The following ZBTB46 variants were observed in gnomAD, a reference collection of about 807,000 sequenced individuals.
ZBTB46 encodes the protein zinc finger and BTB domain-containing protein 46.
Under a neutral mutation model 44.1 loss-of-function variants are expected in ZBTB46, and 8 were observed. The observed-to-expected ratio is 0.18, with a 90% confidence interval of 0.11 to 0.33. The LOEUF (loss-of-function observed/expected upper bound fraction) is 0.33. ZBTB46 is among the 10% of genes least tolerant of loss of function. The pLI, the probability that ZBTB46 is intolerant of heterozygous loss-of-function variation, is 1.00. For missense variants in ZBTB46, 651 were observed against 847.7 expected, an observed-to-expected ratio of 0.77 and a Z score of 2.88; for synonymous variants, 409 against 382.3, an observed-to-expected ratio of 1.07 and a Z score of -0.81.
chr20:63,775,536 T>C, intron 3 of ZBTB46, 142 bp downstream of exon 3: 5 of 1,165,386 alleles, frequency 4.3e-6, no homozygotes, highest in Non-Finnish European at 5.9e-6. Flanking sequence ...CGCCGCATCC[T>C]CACCTCCCGC....
Position 63,790,200 on chromosome 20 carries a change from G to A in ZBTB46, c.558C>T (p.Ile186=), listed in dbSNP as rs369433951. The stretch of plus-strand genomic sequence containing the variant: ...TGCTCCCTCCGTCGTGACAGCTGGC[G>A]ATGGCCGAGTCTCCGGAAGAATTGG... ...SPANSSGDSA[I]ASCHDGGSSY... is the part of the protein sequence containing the mutation. Residue 186 remains isoleucine, a synonymous_variant, in exon 2 of 5, where the codon ATC becomes ATT. Coordinates refer to ENST00000245663, the MANE Select transcript of ZBTB46 (RefSeq NM_001369741.1). The A allele has an allele frequency of 3.9e-5, 63 of 1,613,194 alleles. No homozygotes were observed. The highest frequency in any genetic ancestry group is 2.8e-4 in the African/African-American group (21 of 75,062).
At chr20:63,768,239 G>C (rs1453849100) in intron 3 of ZBTB46, 8 of 631,246 alleles carry the variant, frequency 1.3e-5, no homozygotes, top group Non-Finnish European at 1.6e-5. Context: ...ACTCGTGTGG[G>C]AATAGCAATT....
At chr20:63,800,755 G>A (rs527712716) in intron 1 of ZBTB46, among the ~76,000 whole-genome samples, 102 of 152,324 alleles carry the variant, frequency 6.7e-4, no homozygotes, top group Middle Eastern at 3.4e-3. Context: ...ATTTCTCGCC[G>A]GCCCTAGCTG....
At chr20:63,764,888 T>G (rs2092305730) in intron 3 of ZBTB46, among the ~76,000 whole-genome samples, 1 of 151,938 alleles carries the variant, frequency 6.6e-6, no homozygotes, top group South Asian at 2.1e-4. Context: ...TGTGAGCCAC[T>G]GCACCTGGCC....
At chr20:63,791,357 A>G (rs558154488) in intron 1 of ZBTB46, among the ~76,000 whole-genome samples, 292 of 152,162 alleles carry the variant, frequency 1.9e-3, no homozygotes, top group African/African-American at 6.8e-3. Context: ...GCAGCTGGGC[A>G]TGGTGGCGGG....
At chr20:63,819,234 G>A (rs188920990) in intron 1 of ZBTB46, among the ~76,000 whole-genome samples, 157 of 152,318 alleles carry the variant, frequency 1.0e-3, no homozygotes, top group African/African-American at 3.6e-3. Context: ...TCCTTCTTAA[G>A]ACAAGGCAAA....
At chr20:63,823,913 G>A (rs2092806477) in intron 1 of ZBTB46, among the ~76,000 whole-genome samples, 1 of 139,918 alleles carries the variant, frequency 7.1e-6, no homozygotes, top group Non-Finnish European at 1.6e-5. Context: ...TCCGTTTTCT[G>A]TTTGTAAAAG....
rs951509406 is a variant in ZBTB46 at position 63,745,318 on chromosome 20, T to C, written c.*1612A>G. On this transcript the variant is annotated 3_prime_UTR_variant, in exon 5 of 5. Coordinates refer to ENST00000245663, the MANE Select transcript of ZBTB46 (RefSeq NM_001369741.1). Reference sequence around the variant, plus strand: ...CAGCTCCAGCCAGGGCACCCTGTCATTGGTAGAACCGGGGGCCAATGTCAA... The same window carrying C: ...CAGCTCCAGCCAGGGCACCCTGTCACTGGTAGAACCGGGGGCCAATGTCAA... 1 of 152,262 alleles carries C rather than the reference T, an allele frequency of 6.6e-6. No individual in the cohort carries two copies. Among genetic ancestry groups the C allele is most frequent in the Non-Finnish European group, 1.5e-5 (1 of 68,062 alleles). The allele number at this position is 152,262 out of a possible 1,614,324, so 9.4% of individuals were successfully genotyped here.
At chr20:63,802,565 C>G (rs923083273) in intron 1 of ZBTB46, among the ~76,000 whole-genome samples, 2 of 152,006 alleles carry the variant, frequency 1.3e-5, no homozygotes, top group African/African-American at 4.8e-5. Flanking sequence ...GGAGCAGACC[C>G]CCAGCACCCT....
chr20:63,775,413 A>G, intron 3 of ZBTB46: 1 of 402,382 alleles, frequency 2.5e-6, no homozygotes, highest in Non-Finnish European at 4.4e-6. Flanking sequence ...TGTGAGAAAC[A>G]TTCCAGCAAG....
At chr20:63,832,239 C>G (rs1017288504), upstream of ZBTB46, among the ~76,000 whole-genome samples, 27 of 152,208 alleles carry the variant, frequency 1.8e-4, no homozygotes, top group Non-Finnish European at 4.4e-5. This position sits in a 1 kb window ranked among gnomAD's most constrained non-coding sequence, Gnocchi z 5.0. Context: ...GTCCTCAGCC[C>G]TCGGGCGGGT....
chr20:63,779,089 G>A (rs1340400222), intron 2 of ZBTB46, among the ~76,000 whole-genome samples: 1 of 152,126 alleles, frequency 6.6e-6, no homozygotes, highest in African/African-American at 2.4e-5. Context: ...GGCCCCGCCT[G>A]TGACTTCACT....
At position 63,789,837 on chromosome 20, in the gene ZBTB46, G is replaced by A. The variant is rs750939979; in HGVS notation, c.921C>T (p.Phe307=). 2 of 1,610,728 alleles carry A rather than the reference G, an allele frequency of 1.2e-6. No individual in the cohort carries two copies. The highest frequency in any genetic ancestry group is 1.1e-5 in the South Asian group (1 of 90,980). ...AAGGCTTACTTGAGTCTCGGCTGCT[G>A]AACGGCCACCCCGACGTCGGCAGGA... ...PSFLPTSGWP[F]SSRDSNADLS... Residue 307 remains phenylalanine (F), a synonymous_variant, in exon 2 of 5, where the codon TTC becomes TTT. Coordinates refer to ENST00000245663, the MANE Select transcript of ZBTB46 (RefSeq NM_001369741.1).
chr20:63,762,066 T>C (rs751147733), intron 3 of ZBTB46, among the ~76,000 whole-genome samples: 29 of 152,210 alleles, frequency 1.9e-4, no homozygotes, highest in Non-Finnish European at 3.8e-4. Flanking sequence ...ACTGGGCTAA[T>C]TGTGCTGTTA....
chr20:63,803,563 A>G lies in ZBTB46; in HGVS notation c.-33-12773T>C. On this transcript the variant is annotated intron_variant, in intron 1 of 4. Coordinates refer to ENST00000245663, the MANE Select transcript of ZBTB46 (RefSeq NM_001369741.1). The surrounding 1 kb of genome is among the most constrained non-coding windows in gnomAD (Gnocchi z 4.0). ...CATGTCTGCCGGCCCCGGGCTGCCC[A>G]GGCCCCGGGCTGCCCAGGTCTCTGT... 4 of 969,542 alleles carry G rather than the reference A, an allele frequency of 4.1e-6. No individual in the cohort carries two copies. The highest frequency in any genetic ancestry group is 4.9e-6 in the Non-Finnish European group (4 of 820,978). 60.1% of individuals were successfully genotyped at this position (969,542 alleles called of 1,614,324 possible).
intron 1 of ZBTB46, among the ~76,000 whole-genome samples, chr20:63,813,455 A>AAT (rs1180022663): frequency 1.3e-5 from 2 of 150,408 alleles, no homozygotes; most frequent in Middle Eastern, 3.4e-3. Flanking sequence ...CTCAAAAAAA[A>AAT]AAAATAAATA....
At chr20:63,764,941 C>T (rs2092306414) in intron 3 of ZBTB46, among the ~76,000 whole-genome samples, 1 of 151,088 alleles carries the variant, frequency 6.6e-6, no homozygotes, top group South Asian at 2.1e-4. Context: ...TCTTTTGAGA[C>T]GGAGTCTTGC....
Position 63,806,941 on chromosome 20 carries a change from C to G in ZBTB46, c.-33-16151G>C, listed in dbSNP as rs375836690. Among the ~76,000 whole-genome samples, 321 of 152,320 alleles carry G rather than the reference C, an allele frequency of 2.1e-3. 1 individual carries two copies. Among genetic ancestry groups the G allele is most frequent in the African/African-American group, 7.5e-3 (310 of 41,558 alleles). On this transcript the variant is annotated intron_variant, in intron 1 of 4. Transcript: ENST00000245663. ...GGGACTACCAGCGCCCGCCACCACA[C>G]CCGGCTAATTTTTTGTATTTTTAGT...
At chr20:63,755,255 G>A (rs1006692980) in intron 3 of ZBTB46, among the ~76,000 whole-genome samples, 10 of 152,326 alleles carry the variant, frequency 6.6e-5, no homozygotes, top group South Asian at 2.1e-4. Context: ...ACCACAAAGC[G>A]TGAGGCTCAG....
Sources: allele counts gnomAD v4.1 joint callset (sites outside exome capture counted in the v4.1 genomes callset), GRCh38; gene constraint gnomAD v4.1.1; non-coding constraint Gnocchi (gnomAD v3.1); transcripts MANE v1.5; gene names NCBI Gene and HGNC (gene_info 2026-07-23, HGNC 2026-07-21).